VPS36: variants seen among roughly 807,000 people sequenced by gnomAD.
VPS36 encodes vacuolar protein sorting 36 homolog, also known as vacuolar protein-sorting-associated protein 36.
VPS36 carries 31 observed loss-of-function variants against 63.5 expected under a neutral mutation model. That is an observed-to-expected ratio of 0.49 (90% confidence interval 0.37 to 0.66). The LOEUF is 0.66. Among genes scored for constraint, VPS36 ranks in the 30% least tolerant of loss-of-function variants. VPS36 has a pLI of 0.00. For missense variants in VPS36, 338 were observed against 463.7 expected (o/e 0.73, Z 2.49); for synonymous variants, 138 against 157.2 (o/e 0.88, Z 0.91).
intron 1 of VPS36, chr13:52,449,817 A>C (rs184300400): frequency 1.7e-6 from 1 of 586,024 alleles, no homozygotes; most frequent in African/African-American, 2.0e-5. Context: ...GGCACGGTCT[A>C]CTATTAATAT....
chr13:52,440,215 G>A (rs929840027), intron 2 of VPS36, among the ~76,000 whole-genome samples: 1 of 152,066 alleles, frequency 6.6e-6, no homozygotes, highest in Non-Finnish European at 1.5e-5. Flanking sequence ...CTGACCTCAA[G>A]TGACCCCCCT....
At chr13:52,427,143 G>T in intron 7 of VPS36, 44 bp downstream of exon 7, 1 of 1,606,800 alleles carries the variant, frequency 6.2e-7, no homozygotes, top group Non-Finnish European at 8.5e-7. Flanking sequence ...TTCAAAAACT[G>T]TATCATAATT....
chr13:52,418,372 C>T (rs1477002672), intron 10 of VPS36, among the ~76,000 whole-genome samples: 8 of 151,620 alleles, frequency 5.3e-5, no homozygotes, highest in Non-Finnish European at 1.2e-4. Flanking sequence ...GTCAGTAATT[C>T]GAGACCGGCC....
At chr13:52,426,375 CTG>C (rs1958100991) in intron 8 of VPS36, among the ~76,000 whole-genome samples, 1 of 152,158 alleles carries the variant, frequency 6.6e-6, no homozygotes, top group Admixed American at 6.6e-5. Flanking sequence ...AAGAAAATGG[CTG>C]TGATTAGACT....
At chr13:52,450,248 C>A in intron 1 of VPS36, 1 of 1,112,314 alleles carries the variant, frequency 9.0e-7, no homozygotes, top group Non-Finnish European at 1.1e-6. Flanking sequence ...CGGCCGCGAT[C>A]CGCGCCTGCT....
intron 3 of VPS36, 65 bp from the exon 4 acceptor site, chr13:52,436,469 T>C (rs1344676979): frequency 8.1e-6 from 9 of 1,108,400 alleles, no homozygotes; most frequent in Non-Finnish European, 1.2e-5. Context: ...ATTCTACTTT[T>C]ATAACTTTTT....
intron 2 of VPS36, 50 bp downstream of exon 2, chr13:52,442,327 A>T: frequency 6.5e-7 from 1 of 1,533,530 alleles, no homozygotes; most frequent in Non-Finnish European, 8.8e-7. Flanking sequence ...TCTCTAAAAA[A>T]TAAATAAACA....
In VPS36 at chr13:52,433,690, C is replaced by CT. The variant is rs777713470; in HGVS notation, c.499dup (p.Arg167LysfsTer5). On this transcript the variant is annotated frameshift_variant, in exon 6 of 14. Transcript: ENST00000378060. LOFTEE classifies it high-confidence loss of function. ...AGAAATGTTTTTGTCAGTTTCTTTT[C>CT]TTTTTTCTTCCAGTTTCCTTTCAAT... The CT allele has an allele frequency of 3.1e-6, 5 of 1,613,156 alleles. No homozygotes were observed. The Admixed American group carries it at 6.7e-5, about 22-fold the overall frequency.
intron 2 of VPS36, among the ~76,000 whole-genome samples, chr13:52,439,687 C>G (rs1391691152): frequency 6.6e-6 from 1 of 152,112 alleles, no homozygotes; most frequent in African/African-American, 2.4e-5. Flanking sequence ...ACCTCGTAGT[C>G]CACCTGGCTC....
intron 1 of VPS36, among the ~76,000 whole-genome samples, chr13:52,445,958 A>AC (rs1176898801): frequency 7.2e-6 from 1 of 138,702 alleles, no homozygotes; most frequent in African/African-American, 2.7e-5. Context: ...AAAAAAAAAA[A>AC]AAAAAAAAAA....
chr13:52,429,364 T>C, intron 6 of VPS36: 1 of 894,520 alleles, frequency 1.1e-6, no homozygotes, highest in Non-Finnish European at 1.3e-6. Context: ...ATGCTGGTCA[T>C]CTGCTAGAGC....
chr13:52,432,796 T>C (rs184730316), intron 6 of VPS36, among the ~76,000 whole-genome samples: 1 of 152,312 alleles, frequency 6.6e-6, no homozygotes, highest in East Asian at 1.9e-4. Context: ...AAAAACCTAC[T>C]ATGGGCACTT....
chr13:52,434,685 T>C (rs896304445), intron 5 of VPS36, 108 bp downstream of exon 5: 2 of 1,024,934 alleles, frequency 2.0e-6, no homozygotes, highest in Non-Finnish European at 2.9e-6. Context: ...AAGAATACCA[T>C]TGCAGTATTT....
intron 2 of VPS36, among the ~76,000 whole-genome samples, chr13:52,442,089 A>G (rs1005864659): frequency 6.6e-6 from 1 of 152,252 alleles, no homozygotes; most frequent in Non-Finnish European, 1.5e-5. Context: ...CTCCATTCAG[A>G]GAAATTACAT....
chr13:52,418,065 G>A lies in VPS36; in HGVS notation c.841-9C>T, dbSNP rs1403739406. On this transcript the variant is annotated splice_polypyrimidine_tract_variant and intron_variant, in intron 10 of 13. Transcript: ENST00000378060. ...TCTTCTGGTGAGAGCAACTAATAGG[G>A]AAAAAAAATCCAGTAATGCTATACA... 20 of 1,603,928 alleles carry A rather than the reference G, an allele frequency of 1.2e-5. No individual in the cohort carries two copies. The highest frequency in any genetic ancestry group is 1.6e-5 in the Non-Finnish European group (19 of 1,175,750).
At position 52,434,973 on chromosome 13, in the gene VPS36, T is replaced by TC; in HGVS notation, c.352-92_352-91insG. The TC allele has an allele frequency of 5.0e-6, 3 of 598,634 alleles. No individual in the cohort carries two copies. The East Asian group carries it at 1.8e-4, about 36-fold the overall frequency. The allele number at this position is 598,634 out of a possible 1,614,324, so 37.1% of individuals were successfully genotyped here. A position where few individuals can be genotyped will look rare whatever the true frequency, so the allele number is the denominator to read the frequency against. On this transcript the variant is annotated intron_variant, in intron 4 of 13. Coordinates refer to ENST00000378060, the MANE Select transcript of VPS36 (RefSeq NM_016075.4). ...ACTTAACATTTCTTTCTTTTTTTCTTTTTTTTTTTTTTTTTGAGGTGGAGT... is the reference window on the plus strand; with the variant it reads ...ACTTAACATTTCTTTCTTTTTTTCTTCTTTTTTTTTTTTTTTGAGGTGGAGT...
chr13:52,417,071 A>G lies in VPS36; in HGVS notation c.976T>C (p.Ser326Pro). ...GCTTCACATACTGTCTCCAGGGCCG[A>G]GGCCACCATTTCCTCTTCCTTGTGA... ...QSHKEEEMVA[S>P]ALETVSEKGS... The change falls in exon 12 of 14, where the codon TCG (serine) becomes CCG (proline). Residue 326 changes from serine (S) to proline (P), a missense_variant. Physicochemically the swap from Ser to Pro is moderately conservative, Grantham distance 74. Coordinates refer to ENST00000378060, the MANE Select transcript of VPS36 (RefSeq NM_016075.4). 1 of 1,614,040 alleles carries G rather than the reference A, an allele frequency of 6.2e-7. No homozygotes were observed. Among genetic ancestry groups the G allele is most frequent in the Non-Finnish European group, 8.5e-7 (1 of 1,179,970 alleles).
intron 9 of VPS36, 28 bp from the exon 10 acceptor site, chr13:52,423,667 G>C (rs1039973731): frequency 6.3e-7 from 1 of 1,580,328 alleles, no homozygotes; most frequent in African/African-American, 1.3e-5. Context: ...TTTTAAAAAA[G>C]TATTATGTTA....
At chr13:52,450,233 G>C in intron 1 of VPS36, 1 of 1,092,284 alleles carries the variant, frequency 9.2e-7, no homozygotes, top group Non-Finnish European at 1.1e-6. Flanking sequence ...CCGGGCGGAG[G>C]GAAGCGGCCG....
Sources: gnomAD v4.1 joint callset for allele counts (sites outside exome capture counted in the v4.1 genomes callset) on GRCh38, gnomAD v4.1.1 for gene constraint, MANE v1.5 for transcripts, NCBI Gene and HGNC (gene_info 2026-07-23, HGNC 2026-07-21) for gene names.